LRP2: variants seen among roughly 807,000 people sequenced by gnomAD.
The protein encoded by LRP2 is low-density lipoprotein receptor-related protein 2.
LRP2 carries 172 observed loss-of-function variants against 531.0 expected under a neutral mutation model. That is an observed-to-expected ratio of 0.32 (90% CI 0.29 to 0.37). LRP2 has a LOEUF of 0.37. Ranked by LOEUF, LRP2 falls within the 10% of genes least tolerant of loss-of-function variation. The pLI is 1.00. For missense variants in LRP2, 5,167 were observed against 5,868.3 expected (o/e 0.88, Z 3.90); for synonymous variants, 1,992 against 2,027.6 (o/e 0.98, Z 0.47).
chr2:169,150,530 A>T (rs751038396), intron 68 of LRP2, among the ~76,000 whole-genome samples: 16 of 152,200 alleles, frequency 1.1e-4, no homozygotes, highest in Non-Finnish European at 2.1e-4. Context: ...CCAAATCCCT[A>T]GCTGGATTTC....
chr2:169,211,164 G>A (rs938606156), intron 37 of LRP2, among the ~76,000 whole-genome samples: 1 of 152,190 alleles, frequency 6.6e-6, no homozygotes, highest in Non-Finnish European at 1.5e-5. Context: ...TGTGGGACTG[G>A]AAGCTCTCTG....
At chr2:169,209,763 A>G (rs920757351) in intron 37 of LRP2, 122 bp from the exon 38 acceptor site, 5 of 954,126 alleles carry the variant, frequency 5.2e-6, no homozygotes, top group Non-Finnish European at 8.1e-6. Flanking sequence ...CCATTACAAA[A>G]TGAAACCCTT....
intron 77 of LRP2, among the ~76,000 whole-genome samples, chr2:169,131,758 A>G (rs558297816): frequency 1.3e-5 from 2 of 152,208 alleles, no homozygotes; most frequent in African/African-American, 4.8e-5. Flanking sequence ...TGTCCCACTC[A>G]ATATGCCAAT....
chr2:169,156,612 A>T (rs1686340523), intron 64 of LRP2, among the ~76,000 whole-genome samples: 1 of 152,178 alleles, frequency 6.6e-6, no homozygotes, highest in South Asian at 2.1e-4. Flanking sequence ...AGTCTTGCCA[A>T]AAGACTTTAA....
chr2:169,166,671 G>A (rs544573117), intron 61 of LRP2, among the ~76,000 whole-genome samples: 2 of 152,266 alleles, frequency 1.3e-5, no homozygotes, highest in African/African-American at 2.4e-5. Context: ...ATTTAAAATC[G>A]ATATCTCACA....
intron 43 of LRP2, 101 bp downstream of exon 43, chr2:169,202,655 C>T: frequency 8.1e-7 from 1 of 1,227,460 alleles, no homozygotes; most frequent in East Asian, 2.3e-5. Flanking sequence ...GATGCCTAGG[C>T]ACACATTTCA....
At chr2:169,327,492 G>A (rs1446608051) in intron 1 of LRP2, among the ~76,000 whole-genome samples, 10 of 114,466 alleles carry the variant, frequency 8.7e-5, no homozygotes, top group African/African-American at 2.1e-4. Flanking sequence ...AGGTGGGGGG[G>A]TCAGCCCCCC....
chr2:169,305,042 C>T (rs757343898), intron 4 of LRP2, among the ~76,000 whole-genome samples: 2 of 151,990 alleles, frequency 1.3e-5, no homozygotes, highest in Non-Finnish European at 2.9e-5. Context: ...GAGAGGGGAA[C>T]GTCACACATG....
chr2:169,348,872 G>C (rs984323685), intron 1 of LRP2, among the ~76,000 whole-genome samples: 4 of 152,114 alleles, frequency 2.6e-5, no homozygotes, highest in Non-Finnish European at 1.5e-5. Context: ...TAAGCCACTT[G>C]CTTTGATAGA....
chr2:169,228,400 G>C (rs2105364327), intron 31 of LRP2, among the ~76,000 whole-genome samples: 1 of 151,606 alleles, frequency 6.6e-6, no homozygotes, highest in Admixed American at 6.6e-5. Context: ...TTGATTATCT[G>C]TTATTAATGT....
intron 10 of LRP2, 129 bp from the exon 11 acceptor site, chr2:169,280,648 A>G (rs1683679670): frequency 1.1e-6 from 1 of 928,268 alleles, no homozygotes; most frequent in African/African-American, 1.6e-5. Context: ...TTTTAACATA[A>G]ACCTCTGAGG....
chr2:169,313,186 T>G (rs1684664724), intron 3 of LRP2, among the ~76,000 whole-genome samples: 1 of 152,204 alleles, frequency 6.6e-6, no homozygotes, highest in East Asian at 1.9e-4. Context: ...TTATTACCGA[T>G]CGTCTGAAGC....
intron 46 of LRP2, 47 bp downstream of exon 46, chr2:169,196,864 T>C: frequency 1.2e-6 from 2 of 1,612,876 alleles, no homozygotes; most frequent in Non-Finnish European, 1.7e-6. Flanking sequence ...GAGACTGAAG[T>C]TGTCTAGCTG....
At position 169,289,015 on chromosome 2, in the gene LRP2, C is replaced by G; in HGVS notation, c.1042+11G>C. On this transcript the variant is annotated intron_variant, in intron 9 of 78. Coordinates refer to ENST00000649046, the MANE Select transcript of LRP2 (RefSeq NM_004525.3). ...ATGAAAGACAAGTAGCCGCCGCCCC[C>G]CATCACTTACCAACACAGGTACGGC... 1 of 1,613,882 alleles carries G rather than the reference C, an allele frequency of 6.2e-7. No homozygotes were observed. Among genetic ancestry groups the G allele is most frequent in the Non-Finnish European group, 8.5e-7 (1 of 1,179,842 alleles).
chr2:169,206,098 G>A lies in LRP2; in HGVS notation c.7481C>T (p.Ala2494Val). Reference sequence around the variant, plus strand: ...CACAGTGCGGTTAGACCCATCTTCAGCCATGGAATTAATCATCTGGTTGAG... The same window carrying A: ...CACAGTGCGGTTAGACCCATCTTCAACCATGGAATTAATCATCTGGTTGAG... ...DYLNQMINSM[A>V]EDGSNRTVIA... Residue 2494 changes from alanine to valine, a missense_variant, in exon 40 of 79, where the codon GCT (alanine) becomes GTT (valine). Coordinates refer to ENST00000649046, the MANE Select transcript of LRP2 (RefSeq NM_004525.3). The A allele has an allele frequency of 6.2e-7, 1 of 1,614,200 alleles. No individual in the cohort carries two copies. The highest frequency in any genetic ancestry group is 8.5e-7 in the Non-Finnish European group (1 of 1,180,032).
At chr2:169,311,878 G>A (rs1222058577) in intron 3 of LRP2, among the ~76,000 whole-genome samples, 1 of 152,102 alleles carries the variant, frequency 6.6e-6, no homozygotes, top group Non-Finnish European at 1.5e-5. Flanking sequence ...ATGAATCTGG[G>A]TGCTCCTGTA....
At chr2:169,134,310 A>G (rs916360319) in intron 76 of LRP2, among the ~76,000 whole-genome samples, 1 of 152,168 alleles carries the variant, frequency 6.6e-6, no homozygotes, top group Non-Finnish European at 1.5e-5. Context: ...CCTGACGCAT[A>G]TACTGTCTGT....
chr2:169,211,869 T>C (rs1688605874), intron 37 of LRP2, 99 bp downstream of exon 37: 1 of 1,467,916 alleles, frequency 6.8e-7, no homozygotes, highest in East Asian at 2.3e-5. Flanking sequence ...AGCTTCATTA[T>C]GCACTGAATC....
Position 169,331,224 on chromosome 2 carries a change from G to A in LRP2, c.80-10340C>T, listed in dbSNP as rs547398721. 9.9e-5 allele frequency among the ~76,000 whole-genome samples: 15 copies of A among 152,226 alleles called. No individual in the cohort carries two copies. The South Asian group carries it at 1.9e-3, about 19-fold the overall frequency. On this transcript the variant is annotated intron_variant, in intron 1 of 78. Transcript: ENST00000649046. ...CTGCGTTGTGGTGCAAACTTTTCCC[G>A]TCCGTATTCATTATCAGAGCAAAAA...
Sources: allele counts gnomAD v4.1 joint callset (sites outside exome capture counted in the v4.1 genomes callset), GRCh38; gene constraint gnomAD v4.1.1; transcripts MANE v1.5; gene names NCBI Gene and HGNC (gene_info 2026-07-23, HGNC 2026-07-21).